The following SUCLG2 variants were observed in gnomAD, a reference collection of about 807,000 sequenced individuals.
The protein encoded by SUCLG2 is succinate--CoA ligase [GDP-forming] subunit beta, mitochondrial.
Under a neutral mutation model 47.9 loss-of-function variants are expected in SUCLG2, and 42 were observed. The observed-to-expected ratio is 0.88, with a 90% CI of 0.69 to 1.14. The LOEUF (loss-of-function observed/expected upper bound fraction) is 1.14, where lower values mean the gene tolerates loss of function less well. SUCLG2 is among the 50% of genes most tolerant of loss of function. The pLI, the probability that SUCLG2 is intolerant of heterozygous loss-of-function variation, is 0.00. For synonymous variants in SUCLG2, 195 were observed against 197.3 expected (o/e 0.99, Z 0.10); for missense variants, 571 against 525.9 (o/e 1.09, Z -0.84).
At chr3:67,500,044 T>C (rs1434567639) in intron 7 of SUCLG2, among the ~76,000 whole-genome samples, 2 of 152,168 alleles carry the variant, frequency 1.3e-5, no homozygotes, top group African/African-American at 2.4e-5. Flanking sequence ...GTTCTTTTAC[T>C]TAACTTGGGA....
intron 9 of SUCLG2, among the ~76,000 whole-genome samples, chr3:67,494,076 A>G (rs1157671124): frequency 6.6e-6 from 1 of 152,182 alleles, no homozygotes; most frequent in African/African-American, 2.4e-5. Context: ...GCCACCAACT[A>G]TGTAAGTCAT....
At chr3:67,634,313 T>C (rs902154705) in intron 1 of SUCLG2, among the ~76,000 whole-genome samples, 1 of 152,134 alleles carries the variant, frequency 6.6e-6, no homozygotes, top group Non-Finnish European at 1.5e-5. Flanking sequence ...CTGGGCACAG[T>C]GGCTCACACC....
intron 2 of SUCLG2, among the ~76,000 whole-genome samples, chr3:67,578,145 T>A (rs934705890): frequency 1.3e-5 from 2 of 150,948 alleles, no homozygotes; most frequent in Admixed American, 1.3e-4. Context: ...ATTTATAAGT[T>A]ACACAATGAA....
At chr3:67,584,982 GAC>G (rs1302459952) in intron 2 of SUCLG2, among the ~76,000 whole-genome samples, 1 of 152,136 alleles carries the variant, frequency 6.6e-6, no homozygotes, top group Non-Finnish European at 1.5e-5. Context: ...TTTAGGTAGG[GAC>G]ACAGCCAAAC....
At chr3:67,589,159 G>C (rs545153017) in intron 2 of SUCLG2, among the ~76,000 whole-genome samples, 1 of 152,292 alleles carries the variant, frequency 6.6e-6, no homozygotes, top group Admixed American at 6.5e-5. Flanking sequence ...CAGCTGTTGA[G>C]CATTCACATC....
chr3:67,546,644 A>C (rs1239250229), intron 2 of SUCLG2, among the ~76,000 whole-genome samples: 1 of 152,234 alleles, frequency 6.6e-6, no homozygotes, highest in Non-Finnish European at 1.5e-5. Context: ...CTGAGGCAGA[A>C]GAATAGCTGG....
At chr3:67,593,109 C>T (rs77287405) in intron 2 of SUCLG2, among the ~76,000 whole-genome samples, 212 of 152,254 alleles carry the variant, frequency 1.4e-3, no homozygotes, top group African/African-American at 3.9e-3. Context: ...TTTATTCCAT[C>T]GATTTCTTTA....
At chr3:67,549,048 T>G (rs1482532989) in intron 2 of SUCLG2, among the ~76,000 whole-genome samples, 3 of 152,196 alleles carry the variant, frequency 2.0e-5, no homozygotes, top group Non-Finnish European at 4.4e-5. Flanking sequence ...AACAATTCAT[T>G]ATTTATATAT....
At chr3:67,481,235 T>C (rs1052666967) in intron 9 of SUCLG2, among the ~76,000 whole-genome samples, 10 of 152,382 alleles carry the variant, frequency 6.6e-5, no homozygotes, top group African/African-American at 2.4e-4. Context: ...TTATTCTCAG[T>C]ATCTGTACTT....
intron 9 of SUCLG2, among the ~76,000 whole-genome samples, chr3:67,491,324 C>T (rs1184804221): frequency 2.7e-5 from 4 of 149,282 alleles, no homozygotes; most frequent in African/African-American, 7.3e-5. Flanking sequence ...GAGGAGGCTT[C>T]CAGGATCCCT....
chr3:67,374,977 C>G lies in SUCLG2; in HGVS notation c.*767G>C, dbSNP rs909622221. The G allele has an allele frequency of 2.0e-6, 2 of 985,710 alleles. No homozygotes were observed. Among genetic ancestry groups the G allele is most frequent in the African/African-American group, 3.5e-5 (2 of 57,300 alleles). 61.1% of individuals were successfully genotyped at this position (985,710 alleles called of 1,614,324 possible). ...TCAGTGTTGTCTCATCTTGAAATAT[C>G]TTAATAACAGAGATTTCCATAAGAA... On this transcript the variant is annotated 3_prime_UTR_variant, in exon 11 of 11. Transcript: ENST00000307227.
At chr3:67,446,354 T>TA (rs372575700) in intron 9 of SUCLG2, among the ~76,000 whole-genome samples, 9,108 of 17,372 alleles carry the variant, frequency 0.52, 3,392 homozygotes, top group Non-Finnish European at 0.61. Flanking sequence ...CATTTGTATA[T>TA]AAAAAAAAAA....
At chr3:67,374,570 G>C (rs1701997196), downstream of SUCLG2, 1 of 181,140 alleles carries the variant, frequency 5.5e-6, no homozygotes, top group South Asian at 1.8e-4. Flanking sequence ...ATGGGTATCT[G>C]ATAAAGTTGA....
chr3:67,494,730 A>G (rs190886770), intron 9 of SUCLG2, among the ~76,000 whole-genome samples: 2 of 152,368 alleles, frequency 1.3e-5, no homozygotes, highest in East Asian at 1.9e-4. Context: ...AACCGTGTAC[A>G]TTAGACTTTC....
intron 1 of SUCLG2, among the ~76,000 whole-genome samples, chr3:67,628,609 A>G (rs1170970641): frequency 6.6e-6 from 1 of 152,200 alleles, no homozygotes; most frequent in Non-Finnish European, 1.5e-5. Flanking sequence ...TAACTGAATC[A>G]TGGGGGTGGG....
chr3:67,417,182 G>A (rs908252172), intron 9 of SUCLG2, among the ~76,000 whole-genome samples: 2 of 152,152 alleles, frequency 1.3e-5, no homozygotes, highest in East Asian at 1.9e-4. Flanking sequence ...TTTCACCAAC[G>A]TAAGTGTAAA....
chr3:67,529,163 C>A lies in SUCLG2; in HGVS notation c.250G>T (p.Ala84Ser). The change falls in exon 3 of 11, where the codon GCC becomes TCC. Residue 84 changes from alanine to serine, a missense_variant. Transcript: ENST00000307227. Reference sequence around the variant, plus strand: ...CCTCTTCCTCCAGCTAAGATCTGGGCTTTTAAAACAATTTCTTTTGCATCT... The same window carrying A: ...CCTCTTCCTCCAGCTAAGATCTGGGATTTTAAAACAATTTCTTTTGCATCT... ...RLNAKEIVLK[A>S]QILAGGRGKG... is the part of the protein sequence containing the mutation. The A allele has an allele frequency of 6.2e-7, 1 of 1,611,252 alleles. No individual in the cohort carries two copies. Among genetic ancestry groups the A allele is most frequent in the Non-Finnish European group, 8.5e-7 (1 of 1,179,272 alleles).
chr3:67,516,571 T>C (rs1705950877), intron 6 of SUCLG2, among the ~76,000 whole-genome samples: 1 of 152,226 alleles, frequency 6.6e-6, no homozygotes, highest in Admixed American at 6.5e-5. Context: ...CTCTAGGAAC[T>C]TCTTCAAAGT....
chr3:67,390,831 A>C (rs763896527), intron 10 of SUCLG2, among the ~76,000 whole-genome samples: 77 of 152,204 alleles, frequency 5.1e-4, no homozygotes, highest in Non-Finnish European at 9.8e-4. Context: ...GTGGTTTTAC[A>C]GTTCTTTATC....
Sources: allele counts gnomAD v4.1 joint callset (sites outside exome capture counted in the v4.1 genomes callset), GRCh38; gene constraint gnomAD v4.1.1; transcripts MANE v1.5; gene names NCBI Gene and HGNC (gene_info 2026-07-23, HGNC 2026-07-21).